Variants in CHRM3 observed in about 807,000 individuals in gnomAD.
CHRM3 encodes the protein cholinergic receptor muscarinic 3.
A neutral mutation model predicts 41.8 loss-of-function variants in CHRM3; 11 were observed. The observed-to-expected ratio is 0.26, with a 90% CI of 0.17 to 0.44. CHRM3 has a LOEUF of 0.44. Among genes scored for constraint, CHRM3 ranks in the 20% least tolerant of loss-of-function variants. The pLI is 1.00. For missense variants in CHRM3, 571 were observed against 745.4 expected (o/e 0.77, Z 2.72); for synonymous variants, 297 against 301.4 (o/e 0.99, Z 0.15).
chr1:239,431,438 T>C (rs913117196), intron 1 of CHRM3, among the ~76,000 whole-genome samples: 1 of 152,230 alleles, frequency 6.6e-6, no homozygotes, highest in African/African-American at 2.4e-5. Flanking sequence ...TCAGTGGTTC[T>C]ACATGACACA....
chr1:239,391,071 G>A (rs773927227), intron 1 of CHRM3, among the ~76,000 whole-genome samples: 5 of 152,148 alleles, frequency 3.3e-5, no homozygotes, highest in Non-Finnish European at 5.9e-5. Flanking sequence ...GCAGAAGTTC[G>A]AGACTGCAGT....
At chr1:239,845,943 A>G (rs1674226876) in intron 6 of CHRM3, among the ~76,000 whole-genome samples, 1 of 152,236 alleles carries the variant, frequency 6.6e-6, no homozygotes, top group Non-Finnish European at 1.5e-5. Flanking sequence ...TTTATAAAAT[A>G]AAAGTTTGGT....
chr1:239,780,818 TG>T (rs1668459033), intron 5 of CHRM3, among the ~76,000 whole-genome samples: 1 of 7,754 alleles, frequency 1.3e-4, no homozygotes, highest in Admixed American at 1.0e-3. Context: ...TACATTTATT[TG>T]TGTGTGTGTG....
Position 239,706,617 on chromosome 1 carries a change from TAC to T in CHRM3, c.-147+28357_-147+28358del, listed in dbSNP as rs35644191. Reference sequence around the variant, plus strand: ...ATGCACCCCCACACATGTGTCCATGTACACACACACACACACACACACACACA... The same window carrying T: ...ATGCACCCCCACACATGTGTCCATGTACACACACACACACACACACACACA... On this transcript the variant is annotated intron_variant, in intron 5 of 6. Transcript: ENST00000676153. 1,052 of 144,706 alleles carry T rather than the reference TAC, an allele frequency of 7.3e-3. 8 individuals are homozygous for T. The highest frequency in any genetic ancestry group is 0.046 in the East Asian group (222 of 4,812). 9.0% of individuals were successfully genotyped at this position (144,706 alleles called of 1,614,324 possible).
chr1:239,796,556 G>C (rs1219582466), intron 5 of CHRM3, among the ~76,000 whole-genome samples: 2 of 151,972 alleles, frequency 1.3e-5, no homozygotes, highest in Non-Finnish European at 2.9e-5. Flanking sequence ...TATATGCTTA[G>C]GCTCTCGTGG....
intron 1 of CHRM3, among the ~76,000 whole-genome samples, chr1:239,395,227 T>A (rs563179261): frequency 3.3e-5 from 5 of 152,238 alleles, no homozygotes; most frequent in African/African-American, 1.2e-4. Context: ...ACTCCCATAC[T>A]CTTCCGTTGC....
At chr1:239,656,458 T>TAA (rs200663014) in intron 4 of CHRM3, among the ~76,000 whole-genome samples, 73 of 137,754 alleles carry the variant, frequency 5.3e-4, no homozygotes, top group African/African-American at 1.9e-3. Context: ...TCATCTCTGC[T>TAA]AAAAAAAAAA....
chr1:239,640,155 G>A (rs1670949439), intron 4 of CHRM3, among the ~76,000 whole-genome samples: 1 of 151,316 alleles, frequency 6.6e-6, no homozygotes, highest in African/African-American at 2.4e-5. Flanking sequence ...TGTGCTGCTG[G>A]ATTCGGTTTG....
chr1:239,550,376 C>T (rs1659702885), intron 3 of CHRM3, among the ~76,000 whole-genome samples: 1 of 152,174 alleles, frequency 6.6e-6, no homozygotes, highest in Non-Finnish European at 1.5e-5. Flanking sequence ...TACCAACTAC[C>T]TCACTATGGT....
rs139228881 is a variant in CHRM3 at position 239,864,022 on chromosome 1, A to T, written c.-20+36644A>T. Reference sequence around the variant, plus strand: ...AAGACCTTAGAAGAAAAATAATATGATCTTCTCCATAGGTGCTGAAAAGTA... The same window carrying T: ...AAGACCTTAGAAGAAAAATAATATGTTCTTCTCCATAGGTGCTGAAAAGTA... On this transcript the variant is annotated intron_variant, in intron 6 of 6. Transcript: ENST00000676153. Among the ~76,000 whole-genome samples the T allele has an allele frequency of 2.9e-3, 444 of 151,844 alleles. 3 individuals carry two copies. The highest frequency in any genetic ancestry group is 5.3e-3 in the Admixed American group (81 of 15,246).
chr1:239,581,287 G>A (rs903021222), intron 3 of CHRM3, among the ~76,000 whole-genome samples: 5 of 152,148 alleles, frequency 3.3e-5, no homozygotes, highest in African/African-American at 1.2e-4. Context: ...GTATCCCTAT[G>A]TTTTAAAGAG....
intron 6 of CHRM3, among the ~76,000 whole-genome samples, chr1:239,865,353 A>G (rs1161771850): frequency 6.6e-6 from 1 of 152,254 alleles, no homozygotes; most frequent in South Asian, 2.1e-4. Flanking sequence ...CATCCAGGGT[A>G]TAAGGATGTC....
At chr1:239,854,814 C>A (rs1462042292) in intron 6 of CHRM3, among the ~76,000 whole-genome samples, 6 of 152,050 alleles carry the variant, frequency 3.9e-5, no homozygotes, top group Non-Finnish European at 2.9e-5. Flanking sequence ...AGCATGTTTC[C>A]ATCATTCTTT....
At chr1:239,759,405 T>G (rs1003703165) in intron 5 of CHRM3, among the ~76,000 whole-genome samples, 1 of 151,666 alleles carries the variant, frequency 6.6e-6, no homozygotes, top group Non-Finnish European at 1.5e-5. Flanking sequence ...AGGATGAATA[T>G]AAGTACCCTA....
intron 1 of CHRM3, among the ~76,000 whole-genome samples, chr1:239,480,220 T>C (rs1666742626): frequency 6.6e-6 from 1 of 152,148 alleles, no homozygotes; most frequent in Non-Finnish European, 1.5e-5. Flanking sequence ...AAGTGATTTA[T>C]GCTGAAAGAA....
At chr1:239,872,794 G>A (rs1046970424) in intron 6 of CHRM3, among the ~76,000 whole-genome samples, 4 of 152,154 alleles carry the variant, frequency 2.6e-5, no homozygotes, top group South Asian at 2.1e-4. Flanking sequence ...TATACATGCT[G>A]TGATAGATGT....
chr1:239,828,449 A>T (rs1672640479), intron 6 of CHRM3, among the ~76,000 whole-genome samples: 1 of 152,140 alleles, frequency 6.6e-6, no homozygotes, highest in Non-Finnish European at 1.5e-5. Context: ...TGGCATGAAG[A>T]AAAATTATTA....
chr1:239,697,144 G>T (rs1660269673), intron 5 of CHRM3, among the ~76,000 whole-genome samples: 1 of 152,128 alleles, frequency 6.6e-6, no homozygotes, highest in African/African-American at 2.4e-5. Flanking sequence ...ATATGGTTTG[G>T]CTGTGTCCCC....
At chr1:239,869,035 G>C (rs912182571) in intron 6 of CHRM3, among the ~76,000 whole-genome samples, 57 of 152,158 alleles carry the variant, frequency 3.7e-4, no homozygotes, top group Non-Finnish European at 7.3e-4. Context: ...TAGGAGCTGA[G>C]TAAGATGAAG....
Sources: allele counts gnomAD v4.1 joint callset (sites outside exome capture counted in the v4.1 genomes callset), GRCh38; gene constraint gnomAD v4.1.1; transcripts MANE v1.5; gene names NCBI Gene and HGNC (gene_info 2026-07-23, HGNC 2026-07-21).